SLC35B4: variants seen among roughly 807,000 people sequenced by gnomAD.
SLC35B4 encodes solute carrier family 35 member B4, also known as nucleotide sugar transporter SLC35B4.
Under a neutral mutation model 39.5 loss-of-function variants are expected in SLC35B4, and 28 were observed. That is an observed-to-expected ratio of 0.71 (90% CI 0.53 to 0.97). The LOEUF (loss-of-function observed/expected upper bound fraction) is 0.97, where lower values mean the gene tolerates loss of function less well. SLC35B4 is among the 50% of genes least tolerant of loss of function. The pLI, the probability that SLC35B4 is intolerant of heterozygous loss-of-function variation, is 0.00. For synonymous variants in SLC35B4, 145 were observed against 150.4 expected (o/e 0.96, Z 0.26); for missense variants, 334 against 414.3 (o/e 0.81, Z 1.68).
In SLC35B4 at chr7:134,295,085, G is replaced by A. The variant is rs779552472; in HGVS notation, c.750-6C>T. The A allele has an allele frequency of 5.6e-6, 9 of 1,613,458 alleles. No individual in the cohort carries two copies. The East Asian group carries it at 1.1e-4, about 20-fold the overall frequency. ...CACCCCGGATGCACACGTACCTGGA[G>A]GAGTGGAGTCAAGGTAGTTTTCTGT... is the stretch of plus-strand genomic sequence containing the variant. On this transcript the variant is annotated splice_region_variant and splice_polypyrimidine_tract_variant and intron_variant, in intron 9 of 9. Coordinates refer to ENST00000378509, the MANE Select transcript of SLC35B4 (RefSeq NM_032826.5).
In SLC35B4 at chr7:134,295,010, C is replaced by A; in HGVS notation, c.819G>T (p.Val273=). The change falls in exon 10 of 10, where the codon GTG becomes GTT. Residue 273 remains valine, a synonymous_variant. Transcript: ENST00000378509. ...ECASLTVTLV[V]TLRKFVSLIF... ...TGAGGCTCACAAATTTGCGTAGGGT[C>A]ACGACGAGCGTGACGGTGAGGGAGG... The A allele has an allele frequency of 6.2e-7, 1 of 1,614,130 alleles. No homozygotes were observed. The highest frequency in any genetic ancestry group is 1.1e-5 in the South Asian group (1 of 91,064).
intron 3 of SLC35B4, 129 bp downstream of exon 3, chr7:134,306,543 C>T (rs1803713573): frequency 3.5e-6 from 2 of 578,706 alleles, no homozygotes; most frequent in South Asian, 3.6e-5. Context: ...CTTGCTCACG[C>T]ATTCACAAAC....
chr7:134,304,153 G>A (rs1176562182), intron 4 of SLC35B4, among the ~76,000 whole-genome samples: 1 of 152,184 alleles, frequency 6.6e-6, no homozygotes, highest in African/African-American at 2.4e-5. Context: ...AGCTCTGTGA[G>A]TCTACTGAGC....
chr7:134,296,160 C>G (rs947280900), intron 9 of SLC35B4, among the ~76,000 whole-genome samples: 7 of 152,186 alleles, frequency 4.6e-5, no homozygotes, highest in Admixed American at 4.6e-4. Context: ...CACTTCCACT[C>G]AGAGCACTTC....
chr7:134,317,121 G>T (rs993843189), upstream of SLC35B4: 13 of 231,960 alleles, frequency 5.6e-5, no homozygotes, highest in African/African-American at 2.5e-4. Flanking sequence ...GGCGGCCGCG[G>T]GTCTTGCTGG....
upstream of SLC35B4, among the ~76,000 whole-genome samples, chr7:134,318,741 T>C (rs926016146): frequency 2.0e-5 from 3 of 152,162 alleles, no homozygotes; most frequent in Non-Finnish European, 4.4e-5. Flanking sequence ...CATTTCTCAT[T>C]ACATCTCAGA....
At chr7:134,297,571 TA>T (rs374248017) in intron 8 of SLC35B4, among the ~76,000 whole-genome samples, 3 of 151,414 alleles carry the variant, frequency 2.0e-5, no homozygotes, top group African/African-American at 4.9e-5. Flanking sequence ...TATAGCCACA[TA>T]AAAAAAACTC....
intron 2 of SLC35B4, among the ~76,000 whole-genome samples, chr7:134,307,438 T>C (rs1452651211): frequency 2.6e-5 from 4 of 152,332 alleles, no homozygotes; most frequent in Non-Finnish European, 4.4e-5. Context: ...TACATTTGTA[T>C]GTCATCACTG....
intron 3 of SLC35B4, among the ~76,000 whole-genome samples, chr7:134,306,379 TA>T (rs929098086): frequency 5.3e-5 from 8 of 152,132 alleles, no homozygotes; most frequent in African/African-American, 1.4e-4. Flanking sequence ...TGTTTGAATA[TA>T]AAATCAAAGA....
At position 134,294,816 on chromosome 7, in the gene SLC35B4, C is replaced by G. The variant is rs181365635; in HGVS notation, c.*17G>C. The G allele has an allele frequency of 2.6e-4, 422 of 1,612,120 alleles. 1 individual carries two copies. The African/African-American group carries it at 5.2e-3, about 20-fold the overall frequency. On this transcript the variant is annotated 3_prime_UTR_variant, in exon 10 of 10. Transcript: ENST00000378509. ...CCACCCTCACGACGACACTGGTCTA[C>G]GTACTCCAGACAGGCCTCAGTTCTT...
chr7:134,299,978 A>C (rs1803542267), intron 7 of SLC35B4, among the ~76,000 whole-genome samples, 174 bp downstream of exon 7: 1 of 152,208 alleles, frequency 6.6e-6, no homozygotes, highest in Non-Finnish European at 1.5e-5. Context: ...CATGTAGTGA[A>C]CTGTGACTTG....
At chr7:134,295,809 G>A (rs1585632934) in intron 9 of SLC35B4, among the ~76,000 whole-genome samples, 1 of 152,112 alleles carries the variant, frequency 6.6e-6, no homozygotes, top group Non-Finnish European at 1.5e-5. Flanking sequence ...ACAAATCACA[G>A]ATGATTTATG....
At chr7:134,309,541 A>G in intron 1 of SLC35B4, 62 bp from the exon 2 acceptor site, 4 of 1,065,478 alleles carry the variant, frequency 3.8e-6, no homozygotes, top group Non-Finnish European at 5.6e-6. Context: ...GAACACTAAA[A>G]TGCATTCTAA....
At chr7:134,299,418 T>A (rs1803530841) in intron 8 of SLC35B4, 105 bp downstream of exon 8, 2 of 828,576 alleles carry the variant, frequency 2.4e-6, no homozygotes, top group African/African-American at 3.5e-5. Context: ...AAGGAACACA[T>A]GATTTGAATA....
At chr7:134,300,008 A>C (rs1803543317) in intron 7 of SLC35B4, 144 bp downstream of exon 7, 2 of 598,946 alleles carry the variant, frequency 3.3e-6, no homozygotes, top group Middle Eastern at 3.2e-4. Flanking sequence ...AGAGCATCCC[A>C]TCAAAACTGC....
intron 1 of SLC35B4, among the ~76,000 whole-genome samples, chr7:134,315,854 C>T (rs1490889529): frequency 6.6e-6 from 1 of 152,162 alleles, no homozygotes; most frequent in Non-Finnish European, 1.5e-5. Context: ...GTGAAATTCA[C>T]AACCCAGCTT....
chr7:134,295,399 TA>T (rs1803440762), intron 9 of SLC35B4, among the ~76,000 whole-genome samples: 1 of 152,118 alleles, frequency 6.6e-6, no homozygotes, highest in African/African-American at 2.4e-5. Flanking sequence ...CATTCACCTT[TA>T]TTTATCTTGC....
chr7:134,301,600 T>G (rs935060202), intron 6 of SLC35B4, among the ~76,000 whole-genome samples, 161 bp downstream of exon 6: 1 of 152,222 alleles, frequency 6.6e-6, no homozygotes, highest in African/African-American at 2.4e-5. Flanking sequence ...TTTTTTCATT[T>G]CTTGAACGCT....
chr7:134,296,599 C>G, intron 8 of SLC35B4, 133 bp from the exon 9 acceptor site: 1 of 629,122 alleles, frequency 1.6e-6, no homozygotes, highest in South Asian at 2.2e-5. Flanking sequence ...AATTGGATCA[C>G]GCATCACTTT....
Sources: allele counts gnomAD v4.1 joint callset (sites outside exome capture counted in the v4.1 genomes callset), GRCh38; gene constraint gnomAD v4.1.1; transcripts MANE v1.5; gene names NCBI Gene and HGNC (gene_info 2026-07-23, HGNC 2026-07-21).